Variants in ANKAR observed in about 807,000 individuals in gnomAD.
ANKAR encodes ankyrin and armadillo repeat containing.
In ANKAR, 136 loss-of-function variants were observed where a neutral mutation model predicts 146.2. The observed-to-expected ratio is 0.93, with a 90% CI of 0.81 to 1.07. ANKAR has a LOEUF of 1.07. Ranked by LOEUF, ANKAR falls within the 50% of genes least tolerant of loss-of-function variation. ANKAR has a pLI of 0.00. For missense variants in ANKAR, 1,567 were observed against 1,679.9 expected (o/e 0.93, Z 1.18); for synonymous variants, 500 against 575.8 (o/e 0.87, Z 1.88).
chr2:189,701,648 CT>C (rs1355810597), intron 7 of ANKAR, among the ~76,000 whole-genome samples: 1 of 152,138 alleles, frequency 6.6e-6, no homozygotes, highest in Non-Finnish European at 1.5e-5. Context: ...TGTTTTTTAT[CT>C]GTAGCATGTC....
chr2:189,736,899 C>T (rs1490492395), intron 17 of ANKAR, among the ~76,000 whole-genome samples: 1 of 151,194 alleles, frequency 6.6e-6, no homozygotes, highest in East Asian at 1.9e-4. Flanking sequence ...ATAGCAAAAC[C>T]CTGTCTCTAC....
At chr2:189,755,169 T>G in intron 18 of ANKAR, 1 of 1,595,496 alleles carries the variant, frequency 6.3e-7, no homozygotes, top group Non-Finnish European at 8.5e-7. Context: ...TAATTCTTAA[T>G]TACCTTGTCA....
In ANKAR at chr2:189,741,453, T is replaced by TA. The variant is rs2043320563; in HGVS notation, c.3810+7dup. On this transcript the variant is annotated splice_region_variant and intron_variant, in intron 20 of 22. Coordinates refer to ENST00000684021, the MANE Select transcript of ANKAR (RefSeq NM_001378068.1). ...CATTTGTACTCGGGAATAGAAGAGG[T>TA]AAAAACAAGCAAAAACTAATTCTAA... 6.3e-7 allele frequency: 1 copy of TA among 1,585,726 alleles called. No homozygotes were observed. The highest frequency in any genetic ancestry group is 1.4e-5 in the African/African-American group (1 of 73,566).
In ANKAR at chr2:189,689,824, A is replaced by G. The variant is rs754199653; in HGVS notation, c.899A>G (p.Gln300Arg). 5 of 1,606,330 alleles carry G rather than the reference A, an allele frequency of 3.1e-6. No individual in the cohort carries two copies. The East Asian group carries it at 1.1e-4, about 36-fold the overall frequency. ...QRLYLQKKII[Q>R]KHFEKKKDIR... ...TTATATCTTCAAAAAAAGATTATTC[A>G]AAAACACTTTGAGAAGAAAAAAGAT... is the stretch of plus-strand genomic sequence containing the variant. The change falls in exon 3 of 23, where the codon CAA (glutamine) becomes CGA (arginine). Residue 300 changes from glutamine (Q) to arginine (R), a missense_variant. Coordinates refer to ENST00000684021, the MANE Select transcript of ANKAR (RefSeq NM_001378068.1).
intron 10 of ANKAR, among the ~76,000 whole-genome samples, chr2:189,714,351 A>G (rs1008732300): frequency 2.6e-5 from 4 of 152,198 alleles, no homozygotes; most frequent in African/African-American, 9.7e-5. Context: ...ACCTGACCAC[A>G]TAGTTGGAAG....
Position 189,689,869 on chromosome 2 carries a change from A to G in ANKAR, c.944A>G (p.Tyr315Cys). 6.3e-7 allele frequency: 1 copy of G among 1,591,580 alleles called. No individual in the cohort carries two copies. Among genetic ancestry groups the G allele is most frequent in the East Asian group, 2.2e-5 (1 of 44,546 alleles). ...KKKDIRRGIG[Y>C]LKLICFLIPF... ...AAAGATATCAGAAGAGGGATAGGATACCTAAAGTTAATATGTTTTCTGATT... is the reference window on the plus strand; with the variant it reads ...AAAGATATCAGAAGAGGGATAGGATGCCTAAAGTTAATATGTTTTCTGATT... The change falls in exon 3 of 23, where the codon TAC becomes TGC. Residue 315 changes from tyrosine (Y) to cysteine (C), a missense_variant. By Grantham distance (194) the Tyr-to-Cys change is radical (BLOSUM62 -2). Transcript: ENST00000684021.
intron 18 of ANKAR, chr2:189,753,913 T>TA (rs1330511783): frequency 2.5e-6 from 4 of 1,612,648 alleles, no homozygotes; most frequent in Admixed American, 1.7e-5. Flanking sequence ...AGATAAAACT[T>TA]ACCAGTACTG....
At chr2:189,725,279 TACACACACACACAC>T (rs10546393) in intron 12 of ANKAR, among the ~76,000 whole-genome samples, 21 of 146,572 alleles carry the variant, frequency 1.4e-4, no homozygotes, top group South Asian at 2.2e-4. Flanking sequence ...TATGGATTTA[TACACACACACACAC>T]ACACACACAC....
At chr2:189,707,839 C>A (rs1372648966) in intron 9 of ANKAR, among the ~76,000 whole-genome samples, 1 of 152,038 alleles carries the variant, frequency 6.6e-6, no homozygotes, top group Non-Finnish European at 1.5e-5. Flanking sequence ...AACAGATAGG[C>A]AAGACTTAGG....
chr2:189,716,283 T>TA (rs1254019643), intron 10 of ANKAR, among the ~76,000 whole-genome samples: 4 of 152,186 alleles, frequency 2.6e-5, no homozygotes, highest in Non-Finnish European at 5.9e-5. Flanking sequence ...CAAGCATTCT[T>TA]ATACACCAAT....
At position 189,719,514 on chromosome 2, in the gene ANKAR, A is replaced by G; in HGVS notation, c.2225-58A>G. ...ATTTAAATATTGCCATGATAAATTG[A>G]CTACAAATGGTTACCAATAATTCAT... On this transcript the variant is annotated intron_variant, in intron 10 of 22. Transcript: ENST00000684021. 2.1e-6 allele frequency: 3 copies of G among 1,421,812 alleles called. 1 individual carries two copies. In the South Asian group the frequency reaches 4.9e-5, roughly 23 times the overall value. The allele number at this position is 1,421,812 out of a possible 1,614,324, so 88.1% of individuals were successfully genotyped here.
chr2:189,759,382 G>A (rs894051042), intron 18 of ANKAR, among the ~76,000 whole-genome samples: 1 of 152,002 alleles, frequency 6.6e-6, no homozygotes, highest in African/African-American at 2.4e-5. Flanking sequence ...CCAAGTAGCT[G>A]CGACTACAGG....
At chr2:189,677,152 C>T (rs1267316336) in intron 2 of ANKAR, 61 bp downstream of exon 2, 12 of 1,415,620 alleles carry the variant, frequency 8.5e-6, no homozygotes, top group South Asian at 3.1e-5. Context: ...AGTCTTACTA[C>T]GTCACCCAGG....
chr2:189,762,618 A>C (rs1186711226), downstream of ANKAR: 1 of 985,320 alleles, frequency 1.0e-6, no homozygotes, highest in Non-Finnish European at 1.2e-6. Context: ...CGACGGGCGC[A>C]AACTGGAACC....
intron 10 of ANKAR, among the ~76,000 whole-genome samples, chr2:189,714,877 C>T (rs553685433): frequency 4.2e-5 from 6 of 142,054 alleles, no homozygotes; most frequent in South Asian, 2.3e-4. Flanking sequence ...ACCCCGGAGG[C>T]GGAGCTTGCA....
intron 16 of ANKAR, among the ~76,000 whole-genome samples, chr2:189,730,926 T>A (rs2042342806): frequency 6.6e-6 from 1 of 152,180 alleles, no homozygotes; most frequent in African/African-American, 2.4e-5. Context: ...AAAGTTCTTT[T>A]CTACCTCCCC....
chr2:189,719,744 A>G lies in ANKAR; in HGVS notation c.2397A>G (p.Val799=), dbSNP rs767951540. 14 of 1,613,546 alleles carry G rather than the reference A, an allele frequency of 8.7e-6. No individual in the cohort carries two copies. The highest frequency in any genetic ancestry group is 1.1e-5 in the Non-Finnish European group (13 of 1,179,514). The part of the protein sequence containing the change: ...INLLVCDEPE[V]HSRCAVILYD... ...TACTGGTTTGTGATGAGCCTGAAGT[A>G]CACTCTCGCTGTGCTGTCATTCTAT... Residue 799 remains valine (V), a synonymous_variant, in exon 11 of 23, where the codon GTA becomes GTG. Transcript: ENST00000684021.
chr2:189,761,604 T>A (rs1574938568), downstream of ANKAR: 1 of 1,605,544 alleles, frequency 6.2e-7, no homozygotes, highest in East Asian at 2.2e-5. Flanking sequence ...TTTGATGGTT[T>A]AAAAAAAACT....
intron 19 of ANKAR, among the ~76,000 whole-genome samples, chr2:189,740,818 C>T (rs919171535): frequency 3.3e-5 from 5 of 152,018 alleles, no homozygotes; most frequent in Non-Finnish European, 2.9e-5. Flanking sequence ...CTCAGCCTCC[C>T]GAGTAGCTGG....
Sources: allele counts gnomAD v4.1 joint callset (sites outside exome capture counted in the v4.1 genomes callset), GRCh38; gene constraint gnomAD v4.1.1; transcripts MANE v1.5; gene names NCBI Gene and HGNC (gene_info 2026-07-23, HGNC 2026-07-21).